Variants in SPIN1 observed in about 807,000 individuals in gnomAD.
SPIN1 encodes spindlin-1.
In SPIN1, 3 loss-of-function variants were observed where a neutral mutation model predicts 26.0. The observed-to-expected ratio is 0.12, with a 90% CI of 0.05 to 0.30. SPIN1 has a LOEUF of 0.30. Among genes scored for constraint, SPIN1 ranks in the 10% least tolerant of loss-of-function variants. The pLI is 1.00. For missense variants in SPIN1, 126 were observed against 333.4 expected, an observed-to-expected ratio of 0.38 and a Z score of 4.84; for synonymous variants, 101 against 116.5, an observed-to-expected ratio of 0.87 and a Z score of 0.86.
At chr9:88,452,629 C>G (rs930109296) in intron 3 of SPIN1, among the ~76,000 whole-genome samples, 1 of 152,132 alleles carries the variant, frequency 6.6e-6, no homozygotes, top group Non-Finnish European at 1.5e-5. Flanking sequence ...AGTGTGTAGA[C>G]AAAGTAGTGA....
chr9:88,464,071 G>T (rs1462094437), intron 4 of SPIN1, among the ~76,000 whole-genome samples: 1 of 152,132 alleles, frequency 6.6e-6, no homozygotes, highest in Non-Finnish European at 1.5e-5. Context: ...CTGGTGATGG[G>T]ACTAAGGGTT....
At chr9:88,456,266 C>G (rs1273394837) in intron 3 of SPIN1, among the ~76,000 whole-genome samples, 1 of 151,580 alleles carries the variant, frequency 6.6e-6, no homozygotes, top group African/African-American at 2.4e-5. Context: ...ATGAAATTAT[C>G]AAAATTCTAA....
intron 2 of SPIN1, among the ~76,000 whole-genome samples, chr9:88,446,097 T>C (rs1377797622): frequency 6.6e-6 from 1 of 152,216 alleles, no homozygotes; most frequent in African/African-American, 2.4e-5. Flanking sequence ...TAATTAAGTA[T>C]AATTATGGAT....
intron 1 of SPIN1, among the ~76,000 whole-genome samples, chr9:88,420,962 A>G (rs1587787456): frequency 6.6e-6 from 1 of 152,274 alleles, no homozygotes; most frequent in Admixed American, 6.5e-5. Context: ...TGCTCTGCTC[A>G]TTGGATGCTC....
intron 1 of SPIN1, among the ~76,000 whole-genome samples, chr9:88,405,604 C>T (rs1273594261): frequency 2.0e-4 from 28 of 137,082 alleles, no homozygotes; most frequent in African/African-American, 5.2e-4. Context: ...AGTGCAGTGG[C>T]GCGACCTCAT....
intron 2 of SPIN1, among the ~76,000 whole-genome samples, chr9:88,431,931 C>T (rs1378598591): frequency 6.6e-6 from 1 of 152,048 alleles, no homozygotes; most frequent in African/African-American, 2.4e-5. Flanking sequence ...GTTTTAGCTA[C>T]TCAGGAACCT....
Position 88,475,184 on chromosome 9 carries a change from C to T in SPIN1, c.696C>T (p.Val232=), listed in dbSNP as rs377289682. 2.0e-4 allele frequency: 325 copies of T among 1,613,088 alleles called. No individual in the cohort carries two copies. Among genetic ancestry groups the T allele is most frequent in the Non-Finnish European group, 2.7e-4 (318 of 1,179,854 alleles). ...ATGGCTCGAAAAGGACTGGCATGGT[C>T]ATTCATCAAGTAGAAGCCAAGCCCT... ...KEDGSKRTGM[V]IHQVEAKPSV... is the part of the protein sequence containing the mutation. Residue 232 remains valine (V), a synonymous_variant, in exon 6 of 6, where the codon GTC becomes GTT. Transcript: ENST00000375859.
chr9:88,424,974 T>C (rs947765352), intron 1 of SPIN1, among the ~76,000 whole-genome samples: 2 of 152,192 alleles, frequency 1.3e-5, no homozygotes, highest in Non-Finnish European at 2.9e-5. Flanking sequence ...ATAGCTGTTA[T>C]GACTAGTGTT....
chr9:88,474,943 A>T, intron 5 of SPIN1, 135 bp from the exon 6 acceptor site: 1 of 834,092 alleles, frequency 1.2e-6, no homozygotes, highest in Non-Finnish European at 1.8e-6. Context: ...CTCCTGGTCT[A>T]GATAATCATG....
At chr9:88,440,312 T>C (rs1239556068) in intron 2 of SPIN1, among the ~76,000 whole-genome samples, 6 of 151,112 alleles carry the variant, frequency 4.0e-5, no homozygotes, top group Admixed American at 4.0e-4. Flanking sequence ...ATATTTTTTG[T>C]TTTTAATTTT....
chr9:88,473,402 A>G lies in SPIN1; in HGVS notation c.590-1676A>G, dbSNP rs532150543. ...GAGCAAGACTCCGTCTCAAAAAGAA[A>G]AAAAAAATTGTGTACATTTGTTATA... On this transcript the variant is annotated intron_variant, in intron 5 of 5. Coordinates refer to ENST00000375859, the MANE Select transcript of SPIN1 (RefSeq NM_006717.3). Among the ~76,000 whole-genome samples, 48 of 151,970 alleles carry G rather than the reference A, an allele frequency of 3.2e-4. No individual in the cohort carries two copies. In the South Asian group the frequency reaches 9.6e-3, roughly 30 times the overall value.
intron 3 of SPIN1, among the ~76,000 whole-genome samples, chr9:88,456,211 A>G (rs995278469): frequency 3.3e-5 from 5 of 150,690 alleles, no homozygotes; most frequent in Non-Finnish European, 7.5e-5. Context: ...CATTTTATAC[A>G]CAGATAGAAA....
chr9:88,397,422 T>A (rs1043302618), intron 1 of SPIN1, among the ~76,000 whole-genome samples: 1 of 152,064 alleles, frequency 6.6e-6, no homozygotes. Context: ...CTCACCATAT[T>A]CTCCACCAGG....
At chr9:88,436,573 T>G (rs1828002374) in intron 2 of SPIN1, among the ~76,000 whole-genome samples, 1 of 152,098 alleles carries the variant, frequency 6.6e-6, no homozygotes, top group African/African-American at 2.4e-5. Context: ...GAAAATCCCT[T>G]GTTTTCCCAT....
At chr9:88,444,412 T>C (rs570817748) in intron 2 of SPIN1, among the ~76,000 whole-genome samples, 73 of 151,546 alleles carry the variant, frequency 4.8e-4, no homozygotes, top group Non-Finnish European at 8.5e-4. Flanking sequence ...GGCTAATTTT[T>C]TTTGTATTTT....
chr9:88,456,293 AT>A (rs1331581709), intron 3 of SPIN1, among the ~76,000 whole-genome samples: 1 of 152,158 alleles, frequency 6.6e-6, no homozygotes, highest in Non-Finnish European at 1.5e-5. Context: ...GTTACTGTTA[AT>A]ATAAAAAGGT....
intron 4 of SPIN1, among the ~76,000 whole-genome samples, chr9:88,467,013 A>AG (rs1181168466): frequency 6.6e-6 from 1 of 152,220 alleles, no homozygotes; most frequent in East Asian, 1.9e-4. Flanking sequence ...CTAGGATTAC[A>AG]GGCGTGAGCC....
intron 2 of SPIN1, among the ~76,000 whole-genome samples, chr9:88,446,000 CTAT>C (rs2118119623): frequency 6.6e-6 from 1 of 151,848 alleles, no homozygotes; most frequent in South Asian, 2.1e-4. Flanking sequence ...TTTAATTTTT[CTAT>C]TATTTTGATT....
At chr9:88,438,996 A>G (rs1231735223) in intron 2 of SPIN1, among the ~76,000 whole-genome samples, 2 of 152,140 alleles carry the variant, frequency 1.3e-5, no homozygotes, top group African/African-American at 2.4e-5. Context: ...AAAACCATCC[A>G]GTAGAATGCT....
Sources: allele counts gnomAD v4.1 joint callset (sites outside exome capture counted in the v4.1 genomes callset), GRCh38; gene constraint gnomAD v4.1.1; transcripts MANE v1.5; gene names NCBI Gene and HGNC (gene_info 2026-07-23, HGNC 2026-07-21).